The following KDM5A variants were observed in gnomAD, a reference collection of about 807,000 sequenced individuals.
KDM5A encodes the protein lysine demethylase 5A, also known as lysine-specific demethylase 5A.
A neutral mutation model predicts 193.5 loss-of-function variants in KDM5A; 42 were observed. The ratio of observed to expected loss-of-function variants is 0.22; its 90% CI spans 0.17 to 0.28. The LOEUF is 0.28. Ranked by LOEUF, KDM5A falls within the 10% of genes least tolerant of loss-of-function variation. The probability of loss-of-function intolerance (pLI) is 1.00; values close to 1 mark genes in which losing one functional copy is unlikely to be tolerated. For synonymous variants in KDM5A, 796 were observed against 718.1 expected, an observed-to-expected ratio of 1.11 and a Z score of -1.73; for missense variants, 1,692 against 2,055.1, an observed-to-expected ratio of 0.82 and a Z score of 3.42.
intron 24 of KDM5A, among the ~76,000 whole-genome samples, chr12:298,078 G>A (rs553287864): frequency 7.6e-4 from 115 of 152,314 alleles, no homozygotes; most frequent in Middle Eastern, 3.4e-3. Context: ...CCAGCTCCCT[G>A]GGACAGAGCA....
rs1483523744 is a variant in KDM5A at position 297,051 on chromosome 12, A to C, written c.4224T>G (p.Ser1408Arg). 6.2e-7 allele frequency: 1 copy of C among 1,613,872 alleles called. No homozygotes were observed. The highest frequency in any genetic ancestry group is 1.7e-5 in the Admixed American group (1 of 60,012). The change falls in exon 25 of 28, where the codon AGT (serine) becomes AGG (arginine). Residue 1408 changes from serine (S) to arginine (R), a missense_variant. This residue lies in a region of KDM5A where 965 missense variants were observed against 1,061.0 expected (regional missense o/e 0.91). Transcript: ENST00000399788. ...TTAAAGGAGTAATACCTTGAGAACA[A>C]CTCTTAGAAGCAGAAGAATAAGCAT... ...AEHAYSSASK[S>R]CSQGSSTPRK...
In KDM5A at chr12:311,192, T is replaced by C; in HGVS notation, c.3037-128A>G. 3.7e-6 allele frequency: 3 copies of C among 810,538 alleles called. No individual in the cohort carries two copies. In the South Asian group the frequency reaches 4.7e-5, roughly 13 times the overall value. 50.2% of individuals were successfully genotyped at this position (810,538 alleles called of 1,614,324 possible). Reference sequence around the variant, plus strand: ...ATATTATTCTTTGAATGTAATTCCATCTCTTGAATTAATATAACTTCCAAT... The same window carrying C: ...ATATTATTCTTTGAATGTAATTCCACCTCTTGAATTAATATAACTTCCAAT... On this transcript the variant is annotated intron_variant, in intron 20 of 27. Coordinates refer to ENST00000399788, the MANE Select transcript of KDM5A (RefSeq NM_001042603.3).
intron 15 of KDM5A, 30 bp from the exon 16 acceptor site, chr12:323,236 A>AAAAAAAAAG (rs1565533750): frequency 6.7e-7 from 1 of 1,500,276 alleles, no homozygotes; most frequent in Non-Finnish European, 8.9e-7. Context: ...AAAAAAAAAA[A>AAAAAAAAAG]AAAGAAAACA....
chr12:314,795 G>A (rs1384584760), intron 19 of KDM5A, among the ~76,000 whole-genome samples: 1 of 152,170 alleles, frequency 6.6e-6, no homozygotes, highest in African/African-American at 2.4e-5. Context: ...GCACAAAGAT[G>A]CAGAGAAAGA....
At position 310,882 on chromosome 12, in the gene KDM5A, T is replaced by C. The variant is rs1258481217; in HGVS notation, c.3216+3A>G. On this transcript the variant is annotated splice_donor_region_variant and intron_variant, in intron 21 of 27. Transcript: ENST00000399788. The stretch of plus-strand genomic sequence containing the variant: ...GCTTATGAGAGTGTTGAAGTTCAAG[T>C]ACCTGTAACAATGTATGGCTAGAAT... 3.7e-6 allele frequency: 6 copies of C among 1,614,116 alleles called. No individual in the cohort carries two copies. The highest frequency in any genetic ancestry group is 1.3e-5 in the African/African-American group (1 of 75,068).
At chr12:343,159 C>A (rs61907031) in intron 10 of KDM5A, among the ~76,000 whole-genome samples, 23,771 of 152,208 alleles carry the variant, frequency 0.16, 2,250 homozygotes, top group Non-Finnish European at 0.21. Flanking sequence ...ACCCACAGAG[C>A]CTTGCTCACT....
intron 18 of KDM5A, 126 bp downstream of exon 18, chr12:320,869 A>G (rs1452719256): frequency 2.7e-6 from 2 of 728,972 alleles, no homozygotes; most frequent in African/African-American, 3.5e-5. Context: ...CTCAAATAGC[A>G]GCATATATGT....
chr12:386,404 C>T (rs1391641888), intron 1 of KDM5A, among the ~76,000 whole-genome samples: 1 of 152,174 alleles, frequency 6.6e-6, no homozygotes. Context: ...AGCTCAGCCA[C>T]CAGTGTGGAC....
chr12:295,864 A>T (rs1451984040), intron 25 of KDM5A, 71 bp from the exon 26 acceptor site: 1 of 1,359,158 alleles, frequency 7.4e-7, no homozygotes, highest in East Asian at 2.3e-5. Flanking sequence ...TTTCAAAGCA[A>T]ATATTGAGAC....
In KDM5A at chr12:283,030, A is replaced by G. The variant is rs1943174629; in HGVS notation, c.*2426T>C. On this transcript the variant is annotated 3_prime_UTR_variant, in exon 28 of 28. Transcript: ENST00000399788. ...AAAATCCCACAGTATCAACGAAAAGACATATTTAAGTTTCAAAACGTCAGA... is the reference window on the plus strand; with the variant it reads ...AAAATCCCACAGTATCAACGAAAAGGCATATTTAAGTTTCAAAACGTCAGA... The G allele has an allele frequency of 4.3e-6, 1 of 231,674 alleles. No homozygotes were observed. Among genetic ancestry groups the G allele is most frequent in the East Asian group, 6.1e-5 (1 of 16,296 alleles). 14.4% of individuals were successfully genotyped at this position (231,674 alleles called of 1,614,324 possible).
intron 2 of KDM5A, 44 bp from the exon 3 acceptor site, chr12:384,197 G>C: frequency 1.4e-6 from 2 of 1,448,814 alleles, no homozygotes; most frequent in Non-Finnish European, 1.9e-6. Flanking sequence ...TGATTGAAAT[G>C]AATAAGAATA....
chr12:362,923 T>C (rs771800066), intron 5 of KDM5A, 40 bp downstream of exon 5: 1 of 1,598,460 alleles, frequency 6.3e-7, no homozygotes, highest in Non-Finnish European at 8.6e-7. Flanking sequence ...GGAGACTACA[T>C]CTTTATTTAA....
At chr12:378,539 A>G (rs1944536807) in intron 3 of KDM5A, among the ~76,000 whole-genome samples, 1 of 152,194 alleles carries the variant, frequency 6.6e-6, no homozygotes, top group Non-Finnish European at 1.5e-5. Flanking sequence ...TGCTGGGATT[A>G]CAAGTATGAG....
intron 22 of KDM5A, among the ~76,000 whole-genome samples, chr12:308,437 TA>T (rs1943541305): frequency 6.6e-6 from 1 of 152,192 alleles, no homozygotes; most frequent in African/African-American, 2.4e-5. Context: ...TTGCACAAGG[TA>T]AACACTCTTA....
rs1943190095 is a variant in KDM5A at position 284,205 on chromosome 12, CTGG to C, written c.*1248_*1250del. ...GATGTTGAAACTCTGTCATATGCTG[CTGG>C]TAACAGTAAATATATATATTTATAT... is the stretch of plus-strand genomic sequence containing the variant. On this transcript the variant is annotated 3_prime_UTR_variant, in exon 28 of 28. Transcript: ENST00000399788. 4.4e-6 allele frequency: 1 copy of C among 225,454 alleles called. No individual in the cohort carries two copies. Among genetic ancestry groups the C allele is most frequent in the South Asian group, 1.8e-4 (1 of 5,412 alleles). 14.0% of individuals were successfully genotyped at this position (225,454 alleles called of 1,614,324 possible).
chr12:349,905 G>T (rs570174068), intron 10 of KDM5A, among the ~76,000 whole-genome samples: 2 of 150,512 alleles, frequency 1.3e-5, no homozygotes, highest in African/African-American at 4.9e-5. Flanking sequence ...CGAGACAGGG[G>T]ATCACCTGAG....
At chr12:376,209 G>C (rs1042054948) in intron 3 of KDM5A, among the ~76,000 whole-genome samples, 4 of 152,202 alleles carry the variant, frequency 2.6e-5, no homozygotes, top group Non-Finnish European at 5.9e-5. Flanking sequence ...AGGCCTCCTT[G>C]AGCTGCGGTG....
At position 354,181 on chromosome 12, in the gene KDM5A, C is replaced by G. The variant is rs1367955736; in HGVS notation, c.924G>C (p.Leu308Phe). ...TGTCATCACATCCATCACACAAAAGCAATTTATCTTCATTGTTTCCCCGAC... is the reference window on the plus strand; with the variant it reads ...TGTCATCACATCCATCACACAAAAGGAATTTATCTTCATTGTTTCCCCGAC... Reference protein sequence around the residue: ...FCGRGNNEDKLLLCDGCDDSY... With the variant: ...FCGRGNNEDKFLLCDGCDDSY... Residue 308 changes from leucine (L) to phenylalanine (F), a missense_variant, in exon 8 of 28, where the codon TTG becomes TTC. Around this residue, in one of 11 missense-constraint regions of KDM5A, gnomAD observed 62 missense variants for 107.1 expected, o/e 0.58. Transcript: ENST00000399788. 1 of 1,611,528 alleles carries G rather than the reference C, an allele frequency of 6.2e-7. No individual in the cohort carries two copies.
At chr12:321,256 A>T in intron 17 of KDM5A, 147 bp from the exon 18 acceptor site, 1 of 666,658 alleles carries the variant, frequency 1.5e-6, no homozygotes, top group Non-Finnish European at 2.7e-6. Flanking sequence ...ACCACTTCAA[A>T]ACAGTTGAGT....
Sources: gnomAD v4.1 joint callset for allele counts (sites outside exome capture counted in the v4.1 genomes callset) on GRCh38, gnomAD v4.1.1 for gene constraint, gnomAD v4.1.1 regional missense constraint, MANE v1.5 for transcripts, NCBI Gene and HGNC (gene_info 2026-07-23, HGNC 2026-07-21) for gene names.